HIBADH: variants seen among roughly 807,000 people sequenced by gnomAD.
HIBADH encodes 3-hydroxyisobutyrate dehydrogenase.
HIBADH carries 25 observed loss-of-function variants against 36.1 expected under a neutral mutation model. That is an observed-to-expected ratio of 0.69 (90% CI 0.50 to 0.97). The LOEUF is 0.97. Among genes scored for constraint, HIBADH ranks in the 50% least tolerant of loss-of-function variants. The pLI, the probability that HIBADH is intolerant of heterozygous loss-of-function variation, is 0.00. For synonymous variants in HIBADH, 160 were observed against 149.5 expected (o/e 1.07, Z -0.51); for missense variants, 421 against 418.0 (o/e 1.01, Z -0.06).
At chr7:27,623,890 C>T (rs546938481) in intron 4 of HIBADH, among the ~76,000 whole-genome samples, 35 of 152,268 alleles carry the variant, frequency 2.3e-4, no homozygotes, top group East Asian at 1.4e-3. Flanking sequence ...CTCTACCTCC[C>T]GAGCTCAAGT....
chr7:27,641,591 C>A (rs902475349), intron 2 of HIBADH, among the ~76,000 whole-genome samples: 1 of 151,894 alleles, frequency 6.6e-6, no homozygotes, highest in African/African-American at 2.4e-5. Context: ...TTCTTTTATC[C>A]AACATTTTAA....
chr7:27,632,100 C>T (rs920698486), intron 3 of HIBADH, among the ~76,000 whole-genome samples: 8 of 151,986 alleles, frequency 5.3e-5, no homozygotes, highest in Non-Finnish European at 5.9e-5. Context: ...GTAAGTTTAA[C>T]GCAAGAGTTA....
intron 4 of HIBADH, among the ~76,000 whole-genome samples, chr7:27,598,745 A>G (rs77468557): frequency 1.9e-3 from 288 of 152,320 alleles, no homozygotes; most frequent in African/African-American, 6.7e-3. Flanking sequence ...CCACTGCAAG[A>G]GAAATGCAAT....
intron 5 of HIBADH, 122 bp from the exon 6 acceptor site, chr7:27,538,539 T>G (rs886782970): frequency 1.6e-5 from 13 of 804,574 alleles, no homozygotes; most frequent in Non-Finnish European, 1.4e-5. Flanking sequence ...CTGTTGATTT[T>G]CTCGAGTGCG....
intron 7 of HIBADH, 141 bp from the exon 8 acceptor site, chr7:27,526,513 C>T: frequency 1.7e-6 from 1 of 578,566 alleles, no homozygotes; most frequent in African/African-American, 1.9e-5. Flanking sequence ...GGTAAGTTAA[C>T]ATTTTTAAAT....
intron 4 of HIBADH, among the ~76,000 whole-genome samples, chr7:27,598,920 C>T (rs1785076063): frequency 6.6e-6 from 1 of 151,746 alleles, no homozygotes; most frequent in Non-Finnish European, 1.5e-5. Flanking sequence ...ACAAGGACTT[C>T]TTTCCCATAC....
intron 4 of HIBADH, among the ~76,000 whole-genome samples, chr7:27,551,591 G>T (rs1317915408): frequency 1.2e-5 from 1 of 84,138 alleles, no homozygotes; most frequent in East Asian, 1.7e-3. Context: ...CATGATGCAG[G>T]TGCTGATAAC....
chr7:27,529,719 CAGGG>C (rs1783963465), intron 7 of HIBADH, among the ~76,000 whole-genome samples: 1 of 152,218 alleles, frequency 6.6e-6, no homozygotes, highest in Non-Finnish European at 1.5e-5. Context: ...AAAGTAGCAT[CAGGG>C]TTTGAGAGGA....
At chr7:27,647,790 A>G (rs1338031078) in intron 2 of HIBADH, 2 of 312,392 alleles carry the variant, frequency 6.4e-6, no homozygotes, top group Non-Finnish European at 1.4e-5. Flanking sequence ...ATTCTGGGAA[A>G]AAGCAGGAGA....
At chr7:27,644,309 C>CA (rs1346399588) in intron 2 of HIBADH, among the ~76,000 whole-genome samples, 9 of 151,500 alleles carry the variant, frequency 5.9e-5, no homozygotes, top group Admixed American at 5.9e-4. Context: ...ACTAAAAATA[C>CA]AAAAAATTGG....
intron 4 of HIBADH, among the ~76,000 whole-genome samples, chr7:27,572,807 T>A (rs1784647704): frequency 1.3e-5 from 2 of 152,210 alleles, no homozygotes; most frequent in Non-Finnish European, 2.9e-5. Flanking sequence ...TATGCAATTC[T>A]TGCTCAAATT....
At chr7:27,589,979 A>C (rs1784917530) in intron 4 of HIBADH, among the ~76,000 whole-genome samples, 1 of 152,218 alleles carries the variant, frequency 6.6e-6, no homozygotes, top group African/African-American at 2.4e-5. Flanking sequence ...AACATTCTCA[A>C]GTAAGTACTA....
At chr7:27,602,365 C>A (rs1321418171) in intron 4 of HIBADH, among the ~76,000 whole-genome samples, 1 of 152,114 alleles carries the variant, frequency 6.6e-6, no homozygotes, top group Non-Finnish European at 1.5e-5. Context: ...ATTGATAAGG[C>A]TGTGTGCATT....
chr7:27,622,214 C>T (rs1785558152), intron 4 of HIBADH, among the ~76,000 whole-genome samples: 2 of 152,284 alleles, frequency 1.3e-5, no homozygotes, highest in African/African-American at 4.8e-5. Flanking sequence ...CACTGCACTC[C>T]AGCCTGGATG....
At chr7:27,548,008 T>A (rs1223986213) in intron 4 of HIBADH, among the ~76,000 whole-genome samples, 1 of 152,178 alleles carries the variant, frequency 6.6e-6, no homozygotes, top group Non-Finnish European at 1.5e-5. Flanking sequence ...AACATTGAAC[T>A]CATTTGTACA....
chr7:27,599,475 G>C (rs551911272), intron 4 of HIBADH, among the ~76,000 whole-genome samples: 1 of 151,932 alleles, frequency 6.6e-6, no homozygotes, highest in East Asian at 1.9e-4. Flanking sequence ...GAGGTCAGGA[G>C]ATCGAGACGA....
At chr7:27,537,306 G>A (rs1784083406) in intron 6 of HIBADH, among the ~76,000 whole-genome samples, 1 of 152,090 alleles carries the variant, frequency 6.6e-6, no homozygotes, top group South Asian at 2.1e-4. Flanking sequence ...AACTTAATAG[G>A]TCAAGATAGT....
At chr7:27,579,442 T>C (rs1784759222) in intron 4 of HIBADH, among the ~76,000 whole-genome samples, 1 of 152,252 alleles carries the variant, frequency 6.6e-6, no homozygotes, top group African/African-American at 2.4e-5. Context: ...TCATGAATTC[T>C]ATTTTTACTG....
chr7:27,652,715 G>A (rs1011301597), intron 1 of HIBADH, among the ~76,000 whole-genome samples: 1 of 152,302 alleles, frequency 6.6e-6, no homozygotes, highest in Middle Eastern at 3.4e-3. Flanking sequence ...GTAGAGAGCA[G>A]AAAGAGAAGC....
Sources: gnomAD v4.1 joint callset for allele counts (sites outside exome capture counted in the v4.1 genomes callset) on GRCh38, gnomAD v4.1.1 for gene constraint, MANE v1.5 for transcripts, NCBI Gene and HGNC (gene_info 2026-07-23, HGNC 2026-07-21) for gene names.